The following TMEM132C variants were observed in gnomAD, a reference collection of about 807,000 sequenced individuals.
TMEM132C encodes the protein protein phosphatase 1, regulatory subunit 152.
A neutral mutation model predicts 61.4 loss-of-function variants in TMEM132C; 29 were observed. The observed-to-expected ratio is 0.47, with a 90% confidence interval of 0.35 to 0.64. The LOEUF (loss-of-function observed/expected upper bound fraction) is 0.64, where lower values mean the gene tolerates loss of function less well. Among genes scored for constraint, TMEM132C ranks in the 30% least tolerant of loss-of-function variants. TMEM132C has a pLI of 0.00. For missense variants in TMEM132C, 1,408 were observed against 1,476.9 expected, an observed-to-expected ratio of 0.95 and a Z score of 0.76; for synonymous variants, 656 against 633.1, an observed-to-expected ratio of 1.04 and a Z score of -0.54.
At chr12:128,599,657 G>A (rs7975532) in intron 3 of TMEM132C, among the ~76,000 whole-genome samples, 60,632 of 152,100 alleles carry the variant, frequency 0.4, 12,283 homozygotes, top group Admixed American at 0.49. Context: ...AGGAGAAAGA[G>A]AAAAGGAAGG....
At chr12:128,343,142 G>A (rs1182522490) in intron 1 of TMEM132C, among the ~76,000 whole-genome samples, 3 of 151,986 alleles carry the variant, frequency 2.0e-5, no homozygotes, top group African/African-American at 7.2e-5. Context: ...AAAACGAGCT[G>A]TGGCCAGGTG....
At chr12:128,405,921 A>T (rs963672157) in intron 1 of TMEM132C, among the ~76,000 whole-genome samples, 3 of 152,188 alleles carry the variant, frequency 2.0e-5, no homozygotes, top group African/African-American at 7.2e-5. Flanking sequence ...AGCAGCCCCC[A>T]TGGACAGGTG....
At chr12:128,372,369 T>A (rs1283224831) in intron 1 of TMEM132C, among the ~76,000 whole-genome samples, 1 of 152,180 alleles carries the variant, frequency 6.6e-6, no homozygotes, top group African/African-American at 2.4e-5. Context: ...CTGACTTACA[T>A]CTACAAATTA....
chr12:128,368,078 C>T lies in TMEM132C; in HGVS notation c.86-46654C>T, dbSNP rs149860206. Among the ~76,000 whole-genome samples the T allele has an allele frequency of 2.7e-3, 407 of 152,280 alleles. 3 individuals are homozygous for T. The highest frequency in any genetic ancestry group is 9.0e-3 in the African/African-American group (376 of 41,552). On this transcript the variant is annotated intron_variant, in intron 1 of 8. Coordinates refer to ENST00000435159, the MANE Select transcript of TMEM132C (RefSeq NM_001136103.3). ...GAATTAGAAAAAGCTGATGCTTCTG[C>T]GCAGACCAAGAAGGAGACAATACCC...
intron 1 of TMEM132C, among the ~76,000 whole-genome samples, chr12:128,311,100 A>G (rs531136935): frequency 6.6e-6 from 1 of 152,396 alleles, no homozygotes; most frequent in Admixed American, 6.5e-5. Flanking sequence ...TATTCTTACG[A>G]ATACTAGTTC....
chr12:128,641,660 C>G (rs752833706), intron 4 of TMEM132C, among the ~76,000 whole-genome samples: 6 of 152,206 alleles, frequency 3.9e-5, no homozygotes, highest in Non-Finnish European at 7.3e-5. Flanking sequence ...CCACCAACAC[C>G]TTGATCGTGG....
intron 2 of TMEM132C, among the ~76,000 whole-genome samples, chr12:128,425,812 C>A (rs996896373): frequency 6.6e-6 from 1 of 152,226 alleles, no homozygotes; most frequent in Admixed American, 6.5e-5. Flanking sequence ...TATCCCTGTC[C>A]TTTCTCTTAC....
chr12:128,583,324 C>T (rs917741401), intron 3 of TMEM132C, among the ~76,000 whole-genome samples: 9 of 150,418 alleles, frequency 6.0e-5, no homozygotes, highest in Non-Finnish European at 1.3e-4. Flanking sequence ...AATGCAAAGG[C>T]ATGCAATGCA....
chr12:128,553,682 C>T (rs1471036253), intron 3 of TMEM132C, among the ~76,000 whole-genome samples: 3 of 152,182 alleles, frequency 2.0e-5, no homozygotes, highest in African/African-American at 7.2e-5. Flanking sequence ...TATGGCACTG[C>T]CTTTTCCCCC....
intron 1 of TMEM132C, among the ~76,000 whole-genome samples, chr12:128,347,397 G>GCCTC (rs1873193951): frequency 7.4e-6 from 1 of 135,424 alleles, no homozygotes; most frequent in African/African-American, 3.0e-5. Context: ...GCATATGTAT[G>GCCTC]TCTCTCTCTC....
intron 4 of TMEM132C, among the ~76,000 whole-genome samples, chr12:128,624,248 C>G (rs1050894612): frequency 1.3e-5 from 2 of 151,870 alleles, no homozygotes; most frequent in African/African-American, 4.8e-5. Flanking sequence ...GTTTTCTCAT[C>G]TGTAAAATAG....
chr12:128,667,135 A>T lies in TMEM132C; in HGVS notation c.1306-2282A>T, dbSNP rs566701282. ...GAGATATATATACATACACATATAC[A>T]TATATGTCCAACCCATCTTAATTTT... On this transcript the variant is annotated intron_variant, in intron 4 of 8. Transcript: ENST00000435159. Among the ~76,000 whole-genome samples the T allele has an allele frequency of 3.9e-5, 6 of 152,260 alleles. No homozygotes were observed. The South Asian group carries it at 6.2e-4, about 16-fold the overall frequency.
At chr12:128,321,138 A>AAAT (rs58166037) in intron 1 of TMEM132C, among the ~76,000 whole-genome samples, 9,537 of 143,624 alleles carry the variant, frequency 0.066, 345 homozygotes, top group African/African-American at 0.11. Context: ...CATTTTTGAA[A>AAAT]AATAATAATA....
intron 1 of TMEM132C, among the ~76,000 whole-genome samples, chr12:128,317,789 G>T (rs1371481321): frequency 6.6e-6 from 1 of 152,214 alleles, no homozygotes; most frequent in Non-Finnish European, 1.5e-5. Context: ...GGAGGCTGAG[G>T]CAGGAGGACG....
At position 128,631,300 on chromosome 12, in the gene TMEM132C, G is replaced by A. The variant is rs546709441; in HGVS notation, c.1305+14965G>A. ...CTAATTTTAATTAATTTTAACATAA[G>A]TAGCAACACATGACTAGTGGCCACT... On this transcript the variant is annotated intron_variant, in intron 4 of 8. Transcript: ENST00000435159. 1.6e-4 allele frequency among the ~76,000 whole-genome samples: 25 copies of A among 152,278 alleles called. No individual in the cohort carries two copies. In the South Asian group the frequency reaches 3.7e-3, roughly 23 times the overall value.
chr12:128,312,051 A>C (rs1282947901), intron 1 of TMEM132C, among the ~76,000 whole-genome samples: 1 of 152,134 alleles, frequency 6.6e-6, no homozygotes, highest in Non-Finnish European at 1.5e-5. Context: ...CGGGCGGTGG[A>C]GACTCTTCAG....
intron 2 of TMEM132C, among the ~76,000 whole-genome samples, chr12:128,479,454 G>A (rs953294943): frequency 2.6e-5 from 4 of 152,214 alleles, no homozygotes. Flanking sequence ...GAGATGGGCT[G>A]TAGGTTTTAT....
chr12:128,306,744 A>G (rs1028340655), intron 1 of TMEM132C, among the ~76,000 whole-genome samples: 18 of 152,142 alleles, frequency 1.2e-4, no homozygotes, highest in African/African-American at 3.6e-4. Flanking sequence ...CCATCTATCA[A>G]TTGGATTACT....
In TMEM132C at chr12:128,605,897, C is replaced by T. The variant is rs79296103; in HGVS notation, c.1122-10255C>T. 3.4e-3 allele frequency among the ~76,000 whole-genome samples: 520 copies of T among 152,278 alleles called. 3 individuals carry two copies. The highest frequency in any genetic ancestry group is 0.012 in the African/African-American group (497 of 41,534). Reference sequence around the variant, plus strand: ...TGGGGTCTTTAGAGCCTCCATGCACCCTAGTTCCTTCTTCTCTGAGAATCA... The same window carrying T: ...TGGGGTCTTTAGAGCCTCCATGCACTCTAGTTCCTTCTTCTCTGAGAATCA... On this transcript the variant is annotated intron_variant, in intron 3 of 8. Coordinates refer to ENST00000435159, the MANE Select transcript of TMEM132C (RefSeq NM_001136103.3).
Sources: gnomAD v4.1 joint callset for allele counts (sites outside exome capture counted in the v4.1 genomes callset) on GRCh38, gnomAD v4.1.1 for gene constraint, MANE v1.5 for transcripts, NCBI Gene and HGNC (gene_info 2026-07-23, HGNC 2026-07-21) for gene names.